The following RPS6KB2 variants were observed in gnomAD, a reference collection of about 807,000 sequenced individuals.
The protein encoded by RPS6KB2 is ribosomal protein S6 kinase B2, also known as ribosomal protein S6 kinase beta-2.
A neutral mutation model predicts 58.2 loss-of-function variants in RPS6KB2; 51 were observed. That is an observed-to-expected ratio of 0.88 (90% CI 0.70 to 1.11). RPS6KB2 has a LOEUF of 1.11. Ranked by LOEUF, RPS6KB2 falls within the 50% of genes least tolerant of loss-of-function variation. The pLI is 0.00. For synonymous variants in RPS6KB2, 293 were observed against 258.6 expected (o/e 1.13, Z -1.28); for missense variants, 671 against 655.8 (o/e 1.02, Z -0.25).
chr11:67,434,882 C>G, intron 14 of RPS6KB2, 107 bp from the exon 15 acceptor site: 1 of 1,173,160 alleles, frequency 8.5e-7, no homozygotes, highest in Non-Finnish European at 1.2e-6. Context: ...GTGGAGCCCG[C>G]GGCCTGTGTG....
Position 67,434,989 on chromosome 11 carries a change from C to T in RPS6KB2, c.1269C>T (p.Ser423=), listed in dbSNP as rs201485693. 2 of 1,613,256 alleles carry T rather than the reference C, an allele frequency of 1.2e-6. No individual in the cohort carries two copies. The highest frequency in any genetic ancestry group is 4.5e-5 in the East Asian group (2 of 44,884). Reference sequence around the variant, plus strand: ...TATTCTGCCTTGGTTTCCCCTGCAGCCCCCTCAAGTTCTCCCCTTTTGAGG... The same window carrying T: ...TATTCTGCCTTGGTTTCCCCTGCAGTCCCCTCAAGTTCTCCCCTTTTGAGG... ...RLNSSPRAPV[S]PLKFSPFEGF... Residue 423 remains serine (S), a splice_region_variant and synonymous_variant, in exon 15 of 15, where the codon AGC becomes AGT. Transcript: ENST00000312629.
rs1199317484 is a variant in RPS6KB2, at chr11:67,434,614, C to T, written c.1188C>T (p.Asp396=). Residue 396 remains aspartate (D), a synonymous_variant, in exon 14 of 15, where the codon GAC becomes GAT. Transcript: ENST00000312629. ...GFTYVAPSVL[D]SIKEGFSFQP... Reference sequence around the variant, plus strand: ...CATACGTGGCGCCGTCTGTCCTGGACAGCATCAAGGAGGGCTTCTCCTTCC... The same window carrying T: ...CATACGTGGCGCCGTCTGTCCTGGATAGCATCAAGGAGGGCTTCTCCTTCC... The T allele has an allele frequency of 6.2e-7, 1 of 1,609,174 alleles. No homozygotes were observed. The highest frequency in any genetic ancestry group is 1.7e-5 in the Admixed American group (1 of 59,564).
Position 67,434,256 on chromosome 11 carries a change from C to G in RPS6KB2, c.1028C>G (p.Pro343Arg). ...GACCTTCTGGCCTGGCGTGTGGACC[C>G]CCCTTTCAGGCCCTGTCTGGTGAGC... ...WDDLLAWRVD[P>R]PFRPCLQSEE... The change falls in exon 12 of 15, where the codon CCC becomes CGC. Residue 343 changes from proline to arginine, a missense_variant. By Grantham distance (103) the Pro-to-Arg change is moderately radical. Coordinates refer to ENST00000312629, the MANE Select transcript of RPS6KB2 (RefSeq NM_003952.3). 1 of 1,613,708 alleles carries G rather than the reference C, an allele frequency of 6.2e-7. No homozygotes were observed. Among genetic ancestry groups the G allele is most frequent in the Non-Finnish European group, 8.5e-7 (1 of 1,180,012 alleles).
chr11:67,434,455 C>G lies in RPS6KB2; in HGVS notation c.1126C>G (p.Leu376Val), dbSNP rs1864183115. The G allele has an allele frequency of 1.2e-6, 2 of 1,612,674 alleles. No individual in the cohort carries two copies. Among genetic ancestry groups the G allele is most frequent in the Non-Finnish European group, 1.7e-6 (2 of 1,179,988 alleles). Residue 376 changes from leucine to valine, a missense_variant, in exon 13 of 15, where the codon CTC becomes GTC. By Grantham distance (32) the Leu-to-Val change is conservative. Coordinates refer to ENST00000312629, the MANE Select transcript of RPS6KB2 (RefSeq NM_003952.3). Reference protein sequence around the residue: ...TPVDSPDDTALSESANQAFLG... With the variant: ...TPVDSPDDTAVSESANQAFLG... ...GGTGGACAGTCCTGATGACACAGCC[C>G]TCAGCGAGAGTGCCAACCAGGCCTT...
At position 67,435,176 on chromosome 11, in the gene RPS6KB2, G is replaced by A. The variant is rs369016630; in HGVS notation, c.*7G>A. 1.1e-5 allele frequency: 17 copies of A among 1,556,748 alleles called. No individual in the cohort carries two copies. The highest frequency in any genetic ancestry group is 1.9e-4 in the Middle Eastern group (1 of 5,306). ...TGGGCGTCCAGGGCGCTAGGAAGCC[G>A]GGTGGGGGTGAGGGTAGCCCTTGAG... On this transcript the variant is annotated 3_prime_UTR_variant, in exon 15 of 15. Coordinates refer to ENST00000312629, the MANE Select transcript of RPS6KB2 (RefSeq NM_003952.3).
chr11:67,432,418 G>A (rs1864056992), intron 5 of RPS6KB2, 182 bp from the exon 6 acceptor site: 2 of 723,004 alleles, frequency 2.8e-6, no homozygotes, highest in Middle Eastern at 2.3e-4. Flanking sequence ...ACCCAGCACA[G>A]GGCCAGGCAC....
rs766904831 is a variant in RPS6KB2 at position 67,434,609 on chromosome 11, C to G, written c.1183C>G (p.Leu395Val). The change falls in exon 14 of 15, where the codon CTG (leucine) becomes GTG (valine). Residue 395 changes from leucine (L) to valine (V), a missense_variant. Physicochemically the swap from Leu to Val is conservative, Grantham distance 32. Coordinates refer to ENST00000312629, the MANE Select transcript of RPS6KB2 (RefSeq NM_003952.3). ...CTTCACATACGTGGCGCCGTCTGTC[C>G]TGGACAGCATCAAGGAGGGCTTCTC... ...LGFTYVAPSV[L>V]DSIKEGFSFQ... 5 of 1,608,624 alleles carry G rather than the reference C, an allele frequency of 3.1e-6. No individual in the cohort carries two copies. The highest frequency in any genetic ancestry group is 4.2e-6 in the Non-Finnish European group (5 of 1,178,848).
In RPS6KB2 at chr11:67,428,567, G is replaced by T. The variant is rs753620593; in HGVS notation, c.22G>T (p.Asp8Tyr). 1 of 1,610,948 alleles carries T rather than the reference G, an allele frequency of 6.2e-7. No homozygotes were observed. Among genetic ancestry groups the T allele is most frequent in the Non-Finnish European group, 8.5e-7 (1 of 1,179,054 alleles). MAAVFDL[D>Y]LETEEGSEGE... Reference sequence around the variant, plus strand: ...CGCCATGGCGGCCGTGTTTGATTTGGATTTGGAGACGGAGGAAGGCAGCGA... The same window carrying T: ...CGCCATGGCGGCCGTGTTTGATTTGTATTTGGAGACGGAGGAAGGCAGCGA... Residue 8 changes from aspartate (D) to tyrosine (Y), a missense_variant, in exon 1 of 15, where the codon GAT (aspartate) becomes TAT (tyrosine). By Grantham distance (160) the Asp-to-Tyr change is radical (BLOSUM62 -3). Coordinates refer to ENST00000312629, the MANE Select transcript of RPS6KB2 (RefSeq NM_003952.3).
intron 1 of RPS6KB2, 157 bp downstream of exon 1, chr11:67,428,780 T>G (rs1863924964): frequency 3.3e-6 from 3 of 898,160 alleles, no homozygotes; most frequent in Admixed American, 2.1e-5. Context: ...GATCCCACCC[T>G]CACCCCGACC....
At chr11:67,431,558 G>C (rs747629292) in intron 5 of RPS6KB2, 43 bp downstream of exon 5, 6 of 1,596,682 alleles carry the variant, frequency 3.8e-6, no homozygotes, top group Non-Finnish European at 5.1e-6. Flanking sequence ...GGTCGCGGGG[G>C]GGCAGCGAGC....
Position 67,435,153 on chromosome 11 carries a change from G to A in RPS6KB2, c.1433G>A (p.Gly478Glu), listed in dbSNP as rs760261337. The A allele has an allele frequency of 6.3e-6, 10 of 1,583,652 alleles. No homozygotes were observed. In the South Asian group the frequency reaches 1.1e-4, roughly 18 times the overall value. The stretch of plus-strand genomic sequence containing the variant: ...ACCAAGAAGTCCAAGAGGGGCCGTG[G>A]GCGTCCAGGGCGCTAGGAAGCCGGG... Reference protein sequence around the residue: ...SGTKKSKRGRGRPGR With the variant: ...SGTKKSKRGRERPGR The change falls in exon 15 of 15, where the codon GGG becomes GAG. Residue 478 changes from glycine to glutamate, a missense_variant. Transcript: ENST00000312629.
intron 14 of RPS6KB2, 143 bp downstream of exon 14, chr11:67,434,837 C>T: frequency 1.0e-6 from 1 of 992,206 alleles, no homozygotes; most frequent in Non-Finnish European, 1.5e-6. Flanking sequence ...TCAGTTCCTA[C>T]ACCCCTTGTG....
Position 67,428,991 on chromosome 11 carries a change from C to A in RPS6KB2, c.88C>A (p.Pro30Thr), listed in dbSNP as rs373246105. The A allele has an allele frequency of 1.1e-5, 18 of 1,613,892 alleles. No homozygotes were observed. In the South Asian group the frequency reaches 1.9e-4, roughly 17 times the overall value. The change falls in exon 2 of 15, where the codon CCC (proline) becomes ACC (threonine). Residue 30 changes from proline (P) to threonine (T), a missense_variant. Transcript: ENST00000312629. ...EPELSPADAC[P>T]LAELRAAGLE... Reference sequence around the variant, plus strand: ...CCTCGGTTTCTCACAGGACGCATGTCCCCTTGCCGAGTTGAGGGCAGCTGG... The same window carrying A: ...CCTCGGTTTCTCACAGGACGCATGTACCCTTGCCGAGTTGAGGGCAGCTGG...
intron 14 of RPS6KB2, 64 bp downstream of exon 14, chr11:67,434,758 A>AGCCTTGGGT (rs1864205896): frequency 7.5e-7 from 1 of 1,337,658 alleles, no homozygotes. Context: ...TGCCAGCTCC[A>AGCCTTGGGT]GCCTTGGGTG....
Position 67,431,418 on chromosome 11 carries a change from G to C in RPS6KB2, c.360G>C (p.Arg120=). Residue 120 remains arginine, a synonymous_variant, in exon 5 of 15, where the codon CGG becomes CGC. Transcript: ENST00000312629. ...ACACAGCACACACACGGGCTGAGCG[G>C]AACATTCTAGAGTCAGTGAAGCACC... The part of the protein sequence containing the change: ...AKDTAHTRAE[R]NILESVKHPF... 6.2e-7 allele frequency: 1 copy of C among 1,614,102 alleles called. No homozygotes were observed. Among genetic ancestry groups the C allele is most frequent in the Non-Finnish European group, 8.5e-7 (1 of 1,180,018 alleles).
At chr11:67,429,801 G>A (rs990638449) in intron 4 of RPS6KB2, 1 of 554,938 alleles carries the variant, frequency 1.8e-6, no homozygotes, top group African/African-American at 1.9e-5. Context: ...TGACAACAGT[G>A]TCTGGACACT....
chr11:67,434,756 C>G, intron 14 of RPS6KB2, 62 bp downstream of exon 14: 1 of 1,366,546 alleles, frequency 7.3e-7, no homozygotes, highest in Non-Finnish European at 1.0e-6. Context: ...GATGCCAGCT[C>G]CAGCCTTGGG....
intron 4 of RPS6KB2, chr11:67,430,838 C>T (rs1406889956): frequency 6.5e-6 from 1 of 152,804 alleles, no homozygotes; most frequent in East Asian, 1.9e-4. Context: ...GGGCAGCCTC[C>T]CACAACAAAG....
At position 67,429,500 on chromosome 11, in the gene RPS6KB2, G is replaced by T. The variant is rs1463145939; in HGVS notation, c.241-27G>T. ...TTGAAGATAGGATGTGGAGAGGGAAGTTGATCCTGTCTCCCCTGCCCTACA... is the reference window on the plus strand; with the variant it reads ...TTGAAGATAGGATGTGGAGAGGGAATTTGATCCTGTCTCCCCTGCCCTACA... On this transcript the variant is annotated intron_variant, in intron 3 of 14. Transcript: ENST00000312629. 3 of 1,607,456 alleles carry T rather than the reference G, an allele frequency of 1.9e-6. No individual in the cohort carries two copies. In the South Asian group the frequency reaches 3.3e-5, roughly 18 times the overall value.
Sources: allele counts gnomAD v4.1 joint callset, GRCh38; gene constraint gnomAD v4.1.1; transcripts MANE v1.5; gene names NCBI Gene and HGNC (gene_info 2026-07-23, HGNC 2026-07-21).